C12orf42: variants seen among roughly 807,000 people sequenced by gnomAD.
C12orf42 encodes the protein chromosome 12 open reading frame 42.
In C12orf42, 25 loss-of-function variants were observed where a neutral mutation model predicts 21.6. That is an observed-to-expected ratio of 1.16 (90% CI 0.84 to 1.62). The LOEUF is 1.62. Ranked by LOEUF, C12orf42 falls within the 40% of genes most tolerant of loss-of-function variation. The probability of loss-of-function intolerance (pLI) is 0.00; values close to 1 mark genes in which losing one functional copy is unlikely to be tolerated. For synonymous variants in C12orf42, 174 were observed against 175.0 expected (o/e 0.99, Z 0.05); for missense variants, 483 against 459.3 (o/e 1.05, Z -0.47).
chr12:103,267,403 A>G (rs1156476525), downstream of C12orf42, among the ~76,000 whole-genome samples: 5 of 152,088 alleles, frequency 3.3e-5, no homozygotes, highest in South Asian at 2.1e-4. Context: ...TCAAAGCTCA[A>G]TTCTGAGAAA....
At chr12:103,055,547 C>T in the C12orf42 span, among the ~76,000 whole-genome samples, 1 of 151,884 alleles carries the variant, frequency 6.6e-6, no homozygotes, top group Non-Finnish European at 1.5e-5. Context: ...CTGTGTTTTA[C>T]CTAATTGATT....
intron 4 of C12orf42, among the ~76,000 whole-genome samples, chr12:103,361,647 C>T (rs2044121252): frequency 6.6e-6 from 1 of 152,074 alleles, no homozygotes; most frequent in South Asian, 2.1e-4. Flanking sequence ...TCACCCACTG[C>T]CTAGAAACAA....
At chr12:103,112,293 T>C in the C12orf42 span, among the ~76,000 whole-genome samples, 1 of 152,212 alleles carries the variant, frequency 6.6e-6, no homozygotes, top group Non-Finnish European at 1.5e-5. Context: ...CTTAAGAATA[T>C]GCCTTTGCTC....
At chr12:103,439,789 A>C (rs1951053309) in intron 2 of C12orf42, among the ~76,000 whole-genome samples, 1 of 151,276 alleles carries the variant, frequency 6.6e-6, no homozygotes, top group Non-Finnish European at 1.5e-5. Context: ...GAGAAATAGG[A>C]ACACTTTTAC....
At chr12:103,442,547 A>G (rs1951316984) in intron 2 of C12orf42, among the ~76,000 whole-genome samples, 1 of 152,114 alleles carries the variant, frequency 6.6e-6, no homozygotes, top group Non-Finnish European at 1.5e-5. Flanking sequence ...GCTGCAATCT[A>G]AATCAGCACT....
the C12orf42 span, among the ~76,000 whole-genome samples, chr12:103,551,098 G>C: frequency 6.9e-4 from 105 of 152,144 alleles, no homozygotes; most frequent in Non-Finnish European, 1.2e-3. Context: ...AGCTGTTATA[G>C]CTTCACTTTT....
the C12orf42 span, among the ~76,000 whole-genome samples, chr12:103,213,025 A>G: frequency 6.6e-6 from 1 of 152,172 alleles, no homozygotes; most frequent in African/African-American, 2.4e-5. Context: ...TTAAAGTTCT[A>G]CAATAATGAA....
chr12:103,296,313 A>G (rs527642484), intron 4 of C12orf42, among the ~76,000 whole-genome samples: 35 of 152,156 alleles, frequency 2.3e-4, no homozygotes, highest in Non-Finnish European at 2.1e-4. Context: ...GAATAGTGCC[A>G]CAATACACAC....
At chr12:103,319,002 A>C (rs940441237) in intron 4 of C12orf42, among the ~76,000 whole-genome samples, 4 of 152,236 alleles carry the variant, frequency 2.6e-5, no homozygotes, top group African/African-American at 7.2e-5. Context: ...ACCTGCCTGC[A>C]TTATTAGTCC....
the C12orf42 span, among the ~76,000 whole-genome samples, chr12:103,072,773 G>C: frequency 6.6e-6 from 1 of 152,104 alleles, no homozygotes; most frequent in African/African-American, 2.4e-5. Flanking sequence ...AGCATCTGTT[G>C]TTTTTTGACT....
chr12:103,105,448 T>A, the C12orf42 span, among the ~76,000 whole-genome samples: 1 of 152,068 alleles, frequency 6.6e-6, no homozygotes, highest in Non-Finnish European at 1.5e-5. Context: ...GAGCTAAGCA[T>A]TGAGCACACA....
intron 10 of C12orf42, among the ~76,000 whole-genome samples, chr12:103,244,605 T>C (rs1471588633): frequency 2.6e-5 from 4 of 151,668 alleles, no homozygotes; most frequent in African/African-American, 9.7e-5. Context: ...TCTAAATTAG[T>C]AGCACTCTGA....
At chr12:103,426,882 G>T (rs1157144845) in intron 2 of C12orf42, among the ~76,000 whole-genome samples, 1 of 152,072 alleles carries the variant, frequency 6.6e-6, no homozygotes, top group Non-Finnish European at 1.5e-5. Flanking sequence ...AAGGAGAAAT[G>T]AAATCCTTTA....
intron 2 of C12orf42, among the ~76,000 whole-genome samples, chr12:103,432,589 G>C (rs760304996): frequency 2.0e-5 from 3 of 152,198 alleles, no homozygotes; most frequent in Non-Finnish European, 4.4e-5. Context: ...TGCTCTTACT[G>C]TATGTTATGG....
intron 3 of C12orf42, among the ~76,000 whole-genome samples, chr12:103,390,535 G>A (rs574630124): frequency 1.4e-4 from 22 of 152,152 alleles, no homozygotes; most frequent in Non-Finnish European, 3.2e-4. Flanking sequence ...AATACTACAT[G>A]TGGTAATCAG....
At chr12:103,258,822 G>C (rs1308874031) in intron 10 of C12orf42, among the ~76,000 whole-genome samples, 1 of 151,996 alleles carries the variant, frequency 6.6e-6, no homozygotes, top group Non-Finnish European at 1.5e-5. Flanking sequence ...ACACAAAAGG[G>C]GATTGAAATA....
At chr12:103,191,462 C>A in the C12orf42 span, among the ~76,000 whole-genome samples, 3 of 135,594 alleles carry the variant, frequency 2.2e-5, no homozygotes, top group Non-Finnish European at 3.0e-5. Flanking sequence ...AATCCCAATA[C>A]TTTGGGATGC....
At chr12:103,440,410 A>T (rs1023594719) in intron 2 of C12orf42, among the ~76,000 whole-genome samples, 1 of 146,912 alleles carries the variant, frequency 6.8e-6, no homozygotes, top group Non-Finnish European at 1.5e-5. Flanking sequence ...AAGTATAATA[A>T]AAAAATAAAA....
chr12:103,545,882 CAGTCT>C, the C12orf42 span, among the ~76,000 whole-genome samples: 3 of 152,212 alleles, frequency 2.0e-5, no homozygotes, highest in African/African-American at 7.2e-5. Context: ...ACTTGGCCTT[CAGTCT>C]TAATCCCAAA....
Sources: gnomAD v4.1 joint callset for allele counts (sites outside exome capture counted in the v4.1 genomes callset) on GRCh38, gnomAD v4.1.1 for gene constraint, MANE v1.5 for transcripts, NCBI Gene and HGNC (gene_info 2026-07-23, HGNC 2026-07-21) for gene names.